SPATA6: variants seen among roughly 807,000 people sequenced by gnomAD.
SPATA6 encodes the protein spermatogenesis-associated protein 6.
Under a neutral mutation model 65.3 loss-of-function variants are expected in SPATA6, and 56 were observed. That is an observed-to-expected ratio of 0.86 (90% CI 0.69 to 1.07). SPATA6 has a LOEUF of 1.07. Among genes scored for constraint, SPATA6 ranks in the 50% least tolerant of loss-of-function variants. The pLI is 0.00. For missense variants in SPATA6, 590 were observed against 594.8 expected, an observed-to-expected ratio of 0.99 and a Z score of 0.08; for synonymous variants, 199 against 213.2, an observed-to-expected ratio of 0.93 and a Z score of 0.58.
At chr1:48,380,523 G>A (rs1648441232) in intron 9 of SPATA6, among the ~76,000 whole-genome samples, 1 of 152,060 alleles carries the variant, frequency 6.6e-6, no homozygotes, top group African/African-American at 2.4e-5. Context: ...ACTTATAGCA[G>A]GATTATAGCC....
intron 7 of SPATA6, among the ~76,000 whole-genome samples, chr1:48,398,255 A>G (rs1362743385): frequency 6.6e-6 from 1 of 151,510 alleles, no homozygotes; most frequent in East Asian, 2.0e-4. Flanking sequence ...TTATACTATA[A>G]ATTTTCTTTT....
At chr1:48,339,601 A>T (rs1372865799) in intron 11 of SPATA6, among the ~76,000 whole-genome samples, 2 of 152,086 alleles carry the variant, frequency 1.3e-5, no homozygotes, top group African/African-American at 4.8e-5. Flanking sequence ...GACATTTTAG[A>T]TCTAAAAAAT....
At chr1:48,388,004 G>C (rs1460946453) in intron 8 of SPATA6, among the ~76,000 whole-genome samples, 1 of 152,142 alleles carries the variant, frequency 6.6e-6, no homozygotes, top group Non-Finnish European at 1.5e-5. Context: ...CAGCATCTGA[G>C]TAGGCCAACT....
intron 3 of SPATA6, among the ~76,000 whole-genome samples, chr1:48,441,298 C>T (rs1655445705): frequency 6.6e-6 from 1 of 152,222 alleles, no homozygotes; most frequent in Non-Finnish European, 1.5e-5. Flanking sequence ...GCACAGCTTT[C>T]TCAGTGTTAA....
Position 48,298,001 on chromosome 1 carries a change from G to A in SPATA6, c.*712C>T, listed in dbSNP as rs1309972471. 6.6e-6 allele frequency: 1 copy of A among 151,750 alleles called. No homozygotes were observed. The highest frequency in any genetic ancestry group is 2.1e-4 in the South Asian group (1 of 4,808). 9.4% of individuals were successfully genotyped at this position (151,750 alleles called of 1,614,324 possible). ...GATTCTGGTTGCACCAAAAGGTATG[G>A]CCCTAGAAAAAAAATCATGCAAAGA... On this transcript the variant is annotated 3_prime_UTR_variant, in exon 13 of 13. Coordinates refer to ENST00000371847, the MANE Select transcript of SPATA6 (RefSeq NM_019073.4).
At chr1:48,410,084 T>A (rs1175628886) in intron 5 of SPATA6, among the ~76,000 whole-genome samples, 1 of 152,230 alleles carries the variant, frequency 6.6e-6, no homozygotes, top group African/African-American at 2.4e-5. Flanking sequence ...TTTTCCAAAC[T>A]TTTATGTTCC....
chr1:48,405,250 A>G (rs1314310858), intron 5 of SPATA6, among the ~76,000 whole-genome samples: 2 of 152,234 alleles, frequency 1.3e-5, no homozygotes, highest in Non-Finnish European at 2.9e-5. Context: ...TTCTTCTGCA[A>G]ACGTATCTTC....
the SPATA6 span, among the ~76,000 whole-genome samples, chr1:48,287,477 G>C: frequency 6.6e-6 from 1 of 152,240 alleles, no homozygotes; most frequent in Non-Finnish European, 1.5e-5. Flanking sequence ...GTGTGGCTTG[G>C]TGAGAAGTAA....
At chr1:48,391,012 C>T (rs1650000996) in intron 8 of SPATA6, among the ~76,000 whole-genome samples, 3 of 152,030 alleles carry the variant, frequency 2.0e-5, no homozygotes, top group South Asian at 2.1e-4. Flanking sequence ...CACAGTCCAA[C>T]TTCTCTTCTG....
intron 11 of SPATA6, among the ~76,000 whole-genome samples, chr1:48,339,429 A>G (rs1184636761): frequency 6.6e-6 from 1 of 152,016 alleles, no homozygotes; most frequent in Non-Finnish European, 1.5e-5. Flanking sequence ...AAGTGAGAGT[A>G]AAAAAGACAA....
At chr1:48,347,471 A>C (rs1413733760) in intron 11 of SPATA6, among the ~76,000 whole-genome samples, 1 of 143,934 alleles carries the variant, frequency 6.9e-6, no homozygotes, top group African/African-American at 2.6e-5. Flanking sequence ...ATATAATATA[A>C]TATATATATT....
At chr1:48,272,147 A>C in the SPATA6 span, among the ~76,000 whole-genome samples, 2 of 152,200 alleles carry the variant, frequency 1.3e-5, no homozygotes, top group Non-Finnish European at 2.9e-5. Flanking sequence ...AATCAAGCTA[A>C]TTAACATATC....
At chr1:48,345,740 G>A (rs1217519707) in intron 11 of SPATA6, among the ~76,000 whole-genome samples, 25 of 152,032 alleles carry the variant, frequency 1.6e-4, no homozygotes, top group Admixed American at 1.6e-3. Context: ...TGAAAATAAA[G>A]AAGAAATAGA....
intron 1 of SPATA6, among the ~76,000 whole-genome samples, chr1:48,456,559 C>CT (rs1657022685): frequency 6.6e-6 from 1 of 151,476 alleles, no homozygotes; most frequent in African/African-American, 2.4e-5. Context: ...GTTGGGCTTA[C>CT]TAAACAAAGA....
At chr1:48,336,404 A>G (rs1298202370) in intron 11 of SPATA6, among the ~76,000 whole-genome samples, 2 of 152,120 alleles carry the variant, frequency 1.3e-5, no homozygotes, top group African/African-American at 4.8e-5. Context: ...AGTAGACTGG[A>G]TAAAGAGAAT....
In SPATA6 at chr1:48,359,585, C is replaced by T; in HGVS notation, c.1094+1G>A. On this transcript the variant is annotated splice_donor_variant, in intron 10 of 12. Transcript: ENST00000371847. LOFTEE classifies it high-confidence loss of function. The stretch of plus-strand genomic sequence containing the variant: ...CAGAAATGAAGACCGCACATAATTA[C>T]CTTTCCCTGAGAGAAGCTCTATTTA... The T allele has an allele frequency of 1.9e-6, 3 of 1,612,392 alleles. No homozygotes were observed. Among genetic ancestry groups the T allele is most frequent in the Non-Finnish European group, 2.5e-6 (3 of 1,178,936 alleles).
At chr1:48,422,707 T>C (rs933631991) in intron 3 of SPATA6, among the ~76,000 whole-genome samples, 5 of 152,146 alleles carry the variant, frequency 3.3e-5, no homozygotes, top group African/African-American at 1.2e-4. Context: ...ATACTACACC[T>C]TCAATTATTT....
At chr1:48,315,014 G>A (rs901707982) in intron 11 of SPATA6, among the ~76,000 whole-genome samples, 1 of 152,132 alleles carries the variant, frequency 6.6e-6, no homozygotes, top group African/African-American at 2.4e-5. Flanking sequence ...TCTCTGAATA[G>A]ACCAATAACA....
intron 1 of SPATA6, among the ~76,000 whole-genome samples, chr1:48,461,352 AT>A (rs1657415460): frequency 6.6e-6 from 1 of 152,046 alleles, no homozygotes; most frequent in Non-Finnish European, 1.5e-5. Flanking sequence ...ATTAGATCCC[AT>A]TTGTCAATTT....
Sources: gnomAD v4.1 joint callset for allele counts (sites outside exome capture counted in the v4.1 genomes callset) on GRCh38, gnomAD v4.1.1 for gene constraint, MANE v1.5 for transcripts, NCBI Gene and HGNC (gene_info 2026-07-23, HGNC 2026-07-21) for gene names.